Variants in RBFOX1 observed in about 807,000 individuals in gnomAD.
The protein encoded by RBFOX1 is RNA binding fox-1 homolog 1.
RBFOX1 carries 8 observed loss-of-function variants against 57.7 expected under a neutral mutation model. That is an observed-to-expected ratio of 0.14 (90% CI 0.08 to 0.25). The LOEUF (loss-of-function observed/expected upper bound fraction) is 0.25. Ranked by LOEUF, RBFOX1 falls within the 10% of genes least tolerant of loss-of-function variation. The pLI is 1.00. For synonymous variants in RBFOX1, 326 were observed against 222.4 expected (o/e 1.47, Z -4.15); for missense variants, 611 against 548.5 (o/e 1.11, Z -1.14).
chr16:5,508,572 C>T lies in RBFOX1; in HGVS notation c.258+41318C>T, dbSNP rs369469083. ...CAGAGTGCCACACCCAAGATGGTGGCGGGGACTGCACAGAGCAGTTGCACA... is the reference window on the plus strand; with the variant it reads ...CAGAGTGCCACACCCAAGATGGTGGTGGGGACTGCACAGAGCAGTTGCACA... On this transcript the variant is annotated intron_variant, in intron 2 of 2. Coordinates refer to the RBFOX1 transcript ENST00000585867. Among the ~76,000 whole-genome samples the T allele has an allele frequency of 2.8e-4, 42 of 151,188 alleles. 2 individuals carry two copies. The East Asian group carries it at 6.2e-3, about 22-fold the overall frequency.
At chr16:5,616,129 G>C (rs10221106) in intron 3 of RBFOX1, 62,259 of 152,332 alleles carry the variant, frequency 0.41, 16,813 homozygotes, top group East Asian at 0.84. Flanking sequence ...GACCTACTTC[G>C]CGGGCAGACC....
At chr16:6,520,214 C>CT (rs2096472061) in intron 2 of RBFOX1, among the ~76,000 whole-genome samples, 1 of 152,088 alleles carries the variant, frequency 6.6e-6, no homozygotes, top group Non-Finnish European at 1.5e-5. Flanking sequence ...ATGGTATGTG[C>CT]TTTTTAAAGA....
intron 4 of RBFOX1, among the ~76,000 whole-genome samples, chr16:7,156,254 A>G (rs2077103759): frequency 6.9e-6 from 1 of 144,480 alleles, no homozygotes; most frequent in Non-Finnish European, 1.5e-5. Context: ...ATATGTATAC[A>G]TATGTATGTG....
chr16:7,680,205 G>C (rs1212894495), intron 14 of RBFOX1, among the ~76,000 whole-genome samples: 1 of 152,108 alleles, frequency 6.6e-6, no homozygotes, highest in Non-Finnish European at 1.5e-5. Flanking sequence ...TCTCTTTATT[G>C]ATTGGCTCAT....
At chr16:6,369,532 T>G (rs2090134648) in intron 2 of RBFOX1, among the ~76,000 whole-genome samples, 1 of 152,222 alleles carries the variant, frequency 6.6e-6, no homozygotes, top group Non-Finnish European at 1.5e-5. Context: ...ATTCCTCTCT[T>G]TAGTCCTAAA....
chr16:6,731,587 T>G (rs1220776464), intron 3 of RBFOX1, among the ~76,000 whole-genome samples: 1 of 152,114 alleles, frequency 6.6e-6, no homozygotes, highest in Admixed American at 6.5e-5. Context: ...CAATTAATAC[T>G]CCAGGGAATA....
chr16:5,835,097 G>C (rs1035414061), intron 3 of RBFOX1, among the ~76,000 whole-genome samples: 12 of 152,156 alleles, frequency 7.9e-5, no homozygotes, highest in Non-Finnish European at 1.3e-4. Context: ...GGCTCAACTT[G>C]ACACATCTGT....
At chr16:6,503,075 A>T (rs1212006631) in intron 2 of RBFOX1, among the ~76,000 whole-genome samples, 2 of 152,238 alleles carry the variant, frequency 1.3e-5, no homozygotes, top group South Asian at 4.1e-4. Flanking sequence ...ATATGGATGC[A>T]TGGATATATT....
intron 2 of RBFOX1, among the ~76,000 whole-genome samples, chr16:6,647,889 T>C (rs1040823503): frequency 1.3e-5 from 2 of 152,192 alleles, no homozygotes; most frequent in Non-Finnish European, 2.9e-5. Context: ...TTGCCCAGTC[T>C]GGAGTGTAGT....
At chr16:7,629,165 C>G (rs577498439) in intron 10 of RBFOX1, among the ~76,000 whole-genome samples, 1 of 152,084 alleles carries the variant, frequency 6.6e-6, no homozygotes, top group Admixed American at 6.6e-5. Context: ...GGCTGCTTCT[C>G]CCTGGGAAAA....
intron 1 of RBFOX1, among the ~76,000 whole-genome samples, chr16:5,441,308 C>T (rs926017357): frequency 6.6e-6 from 1 of 151,016 alleles, no homozygotes; most frequent in African/African-American, 2.4e-5. Context: ...TTAGTCTGTT[C>T]TCATGCTGCT....
intron 14 of RBFOX1, among the ~76,000 whole-genome samples, chr16:7,683,327 G>C (rs1008390789): frequency 3.3e-5 from 5 of 151,508 alleles, no homozygotes; most frequent in Non-Finnish European, 7.4e-5. Context: ...CACACACACA[G>C]AGACAGACAG....
intron 1 of RBFOX1, among the ~76,000 whole-genome samples, chr16:6,312,916 G>C (rs573236860): frequency 6.6e-6 from 1 of 152,240 alleles, no homozygotes; most frequent in African/African-American, 2.4e-5. Context: ...TGGTGAGACA[G>C]GCAAACTTTC....
At chr16:7,000,856 C>T (rs544011981) in intron 3 of RBFOX1, among the ~76,000 whole-genome samples, 66 of 152,188 alleles carry the variant, frequency 4.3e-4, no homozygotes, top group African/African-American at 1.5e-3. Flanking sequence ...CCCGCCTCGG[C>T]CTCCCAAAGT....
chr16:6,431,305 G>T (rs1402674744), intron 2 of RBFOX1, among the ~76,000 whole-genome samples: 1 of 151,952 alleles, frequency 6.6e-6, no homozygotes, highest in African/African-American at 2.4e-5. Flanking sequence ...AGTCAAGAAG[G>T]ATACCTGCTT....
chr16:6,961,054 A>C (rs906556454), intron 3 of RBFOX1, among the ~76,000 whole-genome samples: 1 of 151,534 alleles, frequency 6.6e-6, no homozygotes, highest in African/African-American at 2.4e-5. Context: ...GAGGCAGGAG[A>C]ATCACTTGAA....
Position 6,235,785 on chromosome 16 carries a change from C to T in RBFOX1, c.-126-81210C>T, listed in dbSNP as rs576322628. Among the ~76,000 whole-genome samples, 16 of 152,068 alleles carry T rather than the reference C, an allele frequency of 1.1e-4. No individual in the cohort carries two copies. In the East Asian group the frequency reaches 2.3e-3, roughly 22 times the overall value. The stretch of plus-strand genomic sequence containing the variant: ...GAAAACCAAACGTGGTATGTTCTCA[C>T]GCATAGTGGGAGCTAAGCTACGAGG... On this transcript the variant is annotated intron_variant, in intron 1 of 15. Coordinates refer to ENST00000550418, the MANE Select transcript of RBFOX1 (RefSeq NM_018723.4).
At chr16:5,310,196 T>A (rs2064047720) in intron 1 of RBFOX1, among the ~76,000 whole-genome samples, 1 of 152,098 alleles carries the variant, frequency 6.6e-6, no homozygotes, top group African/African-American at 2.4e-5. Context: ...GGCAGGAGTT[T>A]GAGACCAGCT....
intron 4 of RBFOX1, among the ~76,000 whole-genome samples, chr16:7,348,328 A>G (rs2097058530): frequency 6.6e-6 from 1 of 152,200 alleles, no homozygotes; most frequent in Non-Finnish European, 1.5e-5. Flanking sequence ...CATCGTATTC[A>G]CAAAGATTTG....
Sources: allele counts gnomAD v4.1 joint callset (sites outside exome capture counted in the v4.1 genomes callset), GRCh38; gene constraint gnomAD v4.1.1; transcripts MANE v1.5; gene names NCBI Gene and HGNC (gene_info 2026-07-23, HGNC 2026-07-21).